The following SCGB2A2 variants were observed in gnomAD, a reference collection of about 807,000 sequenced individuals.
SCGB2A2 encodes mammaglobin-A.
Under a neutral mutation model 8.8 loss-of-function variants are expected in SCGB2A2, and 11 were observed. That is an observed-to-expected ratio of 1.25 (90% CI 0.79 to 2.07). The LOEUF (loss-of-function observed/expected upper bound fraction) is 2.07, where lower values mean the gene tolerates loss of function less well. SCGB2A2 is among the 30% of genes most tolerant of loss of function. The probability of loss-of-function intolerance (pLI) is 0.00; values close to 1 mark genes in which losing one functional copy is unlikely to be tolerated. For synonymous variants in SCGB2A2, 42 were observed against 40.9 expected (o/e 1.03, Z -0.10); for missense variants, 113 against 109.9 (o/e 1.03, Z -0.13).
chr11:62,272,940 C>G lies in SCGB2A2; in HGVS notation c.244-17C>G. On this transcript the variant is annotated splice_polypyrimidine_tract_variant and intron_variant, in intron 2 of 2. Coordinates refer to ENST00000227918, the MANE Select transcript of SCGB2A2 (RefSeq NM_002411.4). ...AGTGCAGAAAATCTAAGTGATGTCTCTGTTTTTGCTTTCTAGCAATTAATA... is the reference window on the plus strand; with the variant it reads ...AGTGCAGAAAATCTAAGTGATGTCTGTGTTTTTGCTTTCTAGCAATTAATA... The G allele has an allele frequency of 1.9e-6, 3 of 1,583,998 alleles. No homozygotes were observed. Among genetic ancestry groups the G allele is most frequent in the Non-Finnish European group, 1.7e-6 (2 of 1,160,894 alleles).
intron 2 of SCGB2A2, chr11:62,271,535 A>G: frequency 8.8e-7 from 1 of 1,135,282 alleles, no homozygotes; most frequent in Non-Finnish European, 1.1e-6. Flanking sequence ...ACCAGCACAC[A>G]ATCATCCAGA....
chr11:62,271,260 C>T (rs1945276734), intron 2 of SCGB2A2, 192 bp downstream of exon 2: 3 of 1,472,512 alleles, frequency 2.0e-6, no homozygotes, highest in Non-Finnish European at 8.9e-7. Context: ...TGTCACTCTA[C>T]CCAGAGAATC....
At position 62,270,254 on chromosome 11, in the gene SCGB2A2, C is replaced by G. The variant is rs114062454; in HGVS notation, c.38C>G (p.Ser13Cys). ...LLMVLMLAAL[S>C]QHCYAGSGCP... ...ATGGTCCTCATGCTGGCGGCCCTCTCCCAGCACTGCTACGCAGGTGAGTTC... is the reference window on the plus strand; with the variant it reads ...ATGGTCCTCATGCTGGCGGCCCTCTGCCAGCACTGCTACGCAGGTGAGTTC... Residue 13 changes from serine (S) to cysteine (C), a missense_variant, in exon 1 of 3, where the codon TCC becomes TGC. Transcript: ENST00000227918. 758 of 1,613,936 alleles carry G rather than the reference C, an allele frequency of 4.7e-4. 2 individuals are homozygous for G. The highest frequency in any genetic ancestry group is 4.3e-3 in the East Asian group (192 of 44,872).
At chr11:62,270,480 T>C (rs1405870095) in intron 1 of SCGB2A2, among the ~76,000 whole-genome samples, 1 of 152,170 alleles carries the variant, frequency 6.6e-6, no homozygotes, top group Non-Finnish European at 1.5e-5. Flanking sequence ...GCTGGGATTA[T>C]AGGTGTGAGC....
chr11:62,270,390 A>G, intron 1 of SCGB2A2, 119 bp downstream of exon 1: 9 of 918,850 alleles, frequency 9.8e-6, no homozygotes, highest in Non-Finnish European at 1.2e-5. Context: ...GGCTGTAGGT[A>G]TAACAGATCT....
In SCGB2A2 at chr11:62,271,083, T is replaced by C. The variant is rs1945274566; in HGVS notation, c.243+15T>C. On this transcript the variant is annotated intron_variant, in intron 2 of 2. Coordinates refer to ENST00000227918, the MANE Select transcript of SCGB2A2 (RefSeq NM_002411.4). Reference sequence around the variant, plus strand: ...AGGTGTTTATGGTAATTTCATTTTCTTCCTATAAGCTTTTTAAATCCCCTG... The same window carrying C: ...AGGTGTTTATGGTAATTTCATTTTCCTCCTATAAGCTTTTTAAATCCCCTG... 2 of 1,614,026 alleles carry C rather than the reference T, an allele frequency of 1.2e-6. No homozygotes were observed. The highest frequency in any genetic ancestry group is 2.2e-5 in the East Asian group (1 of 44,898).
At position 62,270,287 on chromosome 11, in the gene SCGB2A2, G is replaced by C. The variant is rs377113443; in HGVS notation, c.55+16G>C. ...TGCTACGCAGGTGAGTTCTGTGCAG[G>C]GAGGGCTGCCTCGGGGTTAGGGGTT... On this transcript the variant is annotated intron_variant, in intron 1 of 2. Transcript: ENST00000227918. The C allele has an allele frequency of 5.0e-6, 8 of 1,612,584 alleles. No homozygotes were observed. The highest frequency in any genetic ancestry group is 5.9e-6 in the Non-Finnish European group (7 of 1,179,088).
intron 2 of SCGB2A2, chr11:62,271,714 A>C: frequency 1.0e-6 from 1 of 983,472 alleles, no homozygotes; most frequent in Non-Finnish European, 1.2e-6. Flanking sequence ...TCTCTTCTTC[A>C]AAAAAAAGTA....
chr11:62,272,013 T>C, intron 2 of SCGB2A2: 1 of 709,270 alleles, frequency 1.4e-6, no homozygotes, highest in Non-Finnish European at 1.7e-6. Flanking sequence ...TTATTCCCTA[T>C]GTTAAATTCT....
Position 62,270,925 on chromosome 11 carries a change from A to C in SCGB2A2, c.100A>C (p.Asn34His). Reference protein sequence around the residue: ...LLENVISKTINPQVSKTEYKE... With the variant: ...LLENVISKTIHPQVSKTEYKE... Reference sequence around the variant, plus strand: ...GGAGAATGTGATTTCCAAGACAATCAATCCACAAGTGTCTAAGACTGAATA... The same window carrying C: ...GGAGAATGTGATTTCCAAGACAATCCATCCACAAGTGTCTAAGACTGAATA... The change falls in exon 2 of 3, where the codon AAT becomes CAT. Residue 34 changes from asparagine (N) to histidine (H), a missense_variant. Asn to His is a moderately conservative substitution (Grantham distance 68). Transcript: ENST00000227918. 6.2e-7 allele frequency: 1 copy of C among 1,614,150 alleles called. No individual in the cohort carries two copies.
intron 2 of SCGB2A2, 132 bp downstream of exon 2, chr11:62,271,200 G>A (rs756698777): frequency 1.9e-6 from 3 of 1,568,820 alleles, no homozygotes; most frequent in Non-Finnish European, 2.6e-6. Context: ...TTAGTTGAAT[G>A]GTTAGTCTAA....
chr11:62,272,016 TA>T, intron 2 of SCGB2A2: 1 of 669,214 alleles, frequency 1.5e-6, no homozygotes, highest in Non-Finnish European at 1.8e-6. Context: ...TTCCCTATGT[TA>T]AATTCTTCTT....
In SCGB2A2 at chr11:62,272,986, T is replaced by C; in HGVS notation, c.273T>C (p.Asp91=). The C allele has an allele frequency of 6.2e-7, 1 of 1,609,524 alleles. No homozygotes were observed. The highest frequency in any genetic ancestry group is 8.5e-7 in the Non-Finnish European group (1 of 1,177,852). Residue 91 remains aspartate, a synonymous_variant, in exon 3 of 3, where the codon GAT becomes GAC. Coordinates refer to ENST00000227918, the MANE Select transcript of SCGB2A2 (RefSeq NM_002411.4). Reference sequence around the variant, plus strand: ...TAATATATGACAGCAGTCTTTGTGATTTATTTTAACTTTCTGCAAGACCTT... The same window carrying C: ...TAATATATGACAGCAGTCTTTGTGACTTATTTTAACTTTCTGCAAGACCTT... ...MQLIYDSSLC[D]LF
chr11:62,271,245 T>G, intron 2 of SCGB2A2, 177 bp downstream of exon 2: 1 of 1,494,264 alleles, frequency 6.7e-7, no homozygotes, highest in Non-Finnish European at 8.9e-7. Context: ...CCAGTGTCCC[T>G]GTGTTGTCAC....
At chr11:62,271,932 C>G (rs962309800) in intron 2 of SCGB2A2, 21 of 960,478 alleles carry the variant, frequency 2.2e-5, no homozygotes, top group Non-Finnish European at 2.5e-5. Context: ...AGAATTGCCT[C>G]AAACAAAAAC....
Position 62,270,254 on chromosome 11 carries a change from C to T in SCGB2A2, c.38C>T (p.Ser13Phe). 1 of 1,613,942 alleles carries T rather than the reference C, an allele frequency of 6.2e-7. No homozygotes were observed. The highest frequency in any genetic ancestry group is 8.5e-7 in the Non-Finnish European group (1 of 1,179,944). ...LLMVLMLAAL[S>F]QHCYAGSGCP... is the part of the protein sequence containing the mutation. ...ATGGTCCTCATGCTGGCGGCCCTCT[C>T]CCAGCACTGCTACGCAGGTGAGTTC... The change falls in exon 1 of 3, where the codon TCC becomes TTC. Residue 13 changes from serine (S) to phenylalanine (F), a missense_variant. Ser to Phe is a radical substitution (Grantham distance 155, BLOSUM62 -2). Transcript: ENST00000227918.
At position 62,270,876 on chromosome 11, in the gene SCGB2A2, C is replaced by T; in HGVS notation, c.56-5C>T. The T allele has an allele frequency of 6.2e-7, 1 of 1,612,736 alleles. No individual in the cohort carries two copies. The highest frequency in any genetic ancestry group is 8.5e-7 in the Non-Finnish European group (1 of 1,178,960). On this transcript the variant is annotated splice_region_variant and splice_polypyrimidine_tract_variant and intron_variant, in intron 1 of 2. Transcript: ENST00000227918. ...CAAGCTTGTTTCCTTGTGCATCCTT[C>T]CCAGGCTCTGGCTGCCCCTTATTGG...
intron 2 of SCGB2A2, 126 bp downstream of exon 2, chr11:62,271,194 T>C: frequency 6.3e-7 from 1 of 1,579,992 alleles, no homozygotes; most frequent in African/African-American, 1.4e-5. Context: ...GTTAATTTAG[T>C]TGAATGGTTA....
At chr11:62,271,932 C>T (rs962309800) in intron 2 of SCGB2A2, 1 of 960,364 alleles carries the variant, frequency 1.0e-6, no homozygotes, top group Non-Finnish European at 1.2e-6. Flanking sequence ...AGAATTGCCT[C>T]AAACAAAAAC....
Sources: allele counts gnomAD v4.1 joint callset (sites outside exome capture counted in the v4.1 genomes callset), GRCh38; gene constraint gnomAD v4.1.1; transcripts MANE v1.5; gene names NCBI Gene and HGNC (gene_info 2026-07-23, HGNC 2026-07-21).